The following CDH26 variants were observed in gnomAD, a reference collection of about 807,000 sequenced individuals.
CDH26 encodes the protein cadherin 26.
Under a neutral mutation model 90.3 loss-of-function variants are expected in CDH26, and 83 were observed. The ratio of observed to expected loss-of-function variants is 0.92; its 90% CI spans 0.77 to 1.10. The LOEUF (loss-of-function observed/expected upper bound fraction) is 1.10, where lower values mean the gene tolerates loss of function less well. Among genes scored for constraint, CDH26 ranks in the 50% least tolerant of loss-of-function variants. The probability of loss-of-function intolerance (pLI) is 0.00; values close to 1 mark genes in which losing one functional copy is unlikely to be tolerated. For synonymous variants in CDH26, 397 were observed against 396.3 expected (o/e 1.00, Z -0.02); for missense variants, 1,013 against 1,037.6 (o/e 0.98, Z 0.33).
At chr20:60,007,815 C>G (rs1569059083) in intron 17 of CDH26, among the ~76,000 whole-genome samples, 1 of 152,082 alleles carries the variant, frequency 6.6e-6, no homozygotes, top group Admixed American at 6.6e-5. Context: ...GACCTGCTGG[C>G]CTCCTACCTC....
intron 4 of CDH26, 127 bp from the exon 5 acceptor site, chr20:59,982,796 C>T: frequency 9.0e-7 from 1 of 1,107,438 alleles, no homozygotes; most frequent in Non-Finnish European, 1.3e-6. Context: ...AGTCTGATTC[C>T]TGCCCTCCGG....
rs368895623 is a variant in CDH26 at position 59,968,006 on chromosome 20, T to C, written c.70-961T>C. The stretch of plus-strand genomic sequence containing the variant: ...TTCTTTCTTTCTTTCTTTCTTTCTT[T>C]CTTTCTTCCTTTCTCTCTGTCTCTC... On this transcript the variant is annotated intron_variant, in intron 1 of 17. Coordinates refer to ENST00000348616, the MANE Select transcript of CDH26 (RefSeq NM_177980.4). Among the ~76,000 whole-genome samples the C allele has an allele frequency of 5.1e-4, 61 of 120,434 alleles. 3 individuals carry two copies. The highest frequency in any genetic ancestry group is 1.4e-3 in the African/African-American group (43 of 29,996). 79.0% of individuals were successfully genotyped at this position (120,434 alleles called of 152,430 possible).
At chr20:60,009,376 C>T (rs779938756) in intron 17 of CDH26, among the ~76,000 whole-genome samples, 4 of 152,210 alleles carry the variant, frequency 2.6e-5, no homozygotes, top group South Asian at 2.1e-4. Flanking sequence ...CTACAGAAAA[C>T]GTAGCATGTG....
Position 59,984,733 on chromosome 20 carries a change from A to C in CDH26, c.636A>C (p.Leu212Phe). ...ACTTCCTCATTTCTCAAACACCATTACTGAAAGAAAGTGGTTTCCGGGTTG... is the reference window on the plus strand; with the variant it reads ...ACTTCCTCATTTCTCAAACACCATTCCTGAAAGAAAGTGGTTTCCGGGTTG... ...VLYFLISQTP[L>F]LKESGFRVDR... The change falls in exon 6 of 18, where the codon TTA (leucine) becomes TTC (phenylalanine). Residue 212 changes from leucine to phenylalanine, a missense_variant. Physicochemically the swap from Leu to Phe is conservative, Grantham distance 22. Coordinates refer to ENST00000348616, the MANE Select transcript of CDH26 (RefSeq NM_177980.4). The C allele has an allele frequency of 1.2e-6, 2 of 1,613,988 alleles. No homozygotes were observed. Among genetic ancestry groups the C allele is most frequent in the Non-Finnish European group, 1.7e-6 (2 of 1,179,920 alleles).
chr20:59,971,527 G>A (rs1480379746), intron 3 of CDH26, among the ~76,000 whole-genome samples: 3 of 152,148 alleles, frequency 2.0e-5, no homozygotes, highest in African/African-American at 7.2e-5. Flanking sequence ...TGGTATGTGT[G>A]GTTCCAGATA....
At chr20:59,966,231 TAAAAAAAAAAAA>T (rs60088029) in intron 1 of CDH26, among the ~76,000 whole-genome samples, 1,257 of 76,274 alleles carry the variant, frequency 0.016, 19 homozygotes, top group Non-Finnish European at 0.025. Context: ...GGTGTTGCAT[TAAAAAAAAAAAA>T]AAAAAAAAAA....
chr20:60,010,062 G>T (rs1296728087), intron 17 of CDH26, among the ~76,000 whole-genome samples: 2 of 152,116 alleles, frequency 1.3e-5, no homozygotes, highest in African/African-American at 4.8e-5. Context: ...CTTCTCGTGG[G>T]CACCAAGCCT....
At position 59,984,713 on chromosome 20, in the gene CDH26, C is replaced by T; in HGVS notation, c.616C>T (p.Leu206Phe). The T allele has an allele frequency of 1.9e-6, 3 of 1,613,890 alleles. No homozygotes were observed. Among genetic ancestry groups the T allele is most frequent in the Non-Finnish European group, 2.5e-6 (3 of 1,179,866 alleles). The change falls in exon 6 of 18, where the codon CTC becomes TTC. Residue 206 changes from leucine (L) to phenylalanine (F), a missense_variant. By Grantham distance (22) the Leu-to-Phe change is conservative. Transcript: ENST00000348616. ...TCCAAATTCTCAAGTCCTTTACTTC[C>T]TCATTTCTCAAACACCATTACTGAA... ...NTPNSQVLYF[L>F]ISQTPLLKES...
At chr20:59,995,109 G>GTAGT (rs2061576730) in intron 11 of CDH26, among the ~76,000 whole-genome samples, 2 of 152,246 alleles carry the variant, frequency 1.3e-5, no homozygotes, top group East Asian at 3.8e-4. Context: ...GCTCAAGTTT[G>GTAGT]TAGTTCTCAG....
intron 4 of CDH26, among the ~76,000 whole-genome samples, chr20:59,975,039 T>G (rs1046399045): frequency 6.6e-6 from 1 of 151,984 alleles, no homozygotes; most frequent in African/African-American, 2.4e-5. Context: ...TTAATCATGT[T>G]AGATGAAGGA....
intron 16 of CDH26, among the ~76,000 whole-genome samples, chr20:60,006,451 G>A (rs533231785): frequency 3.9e-5 from 6 of 152,290 alleles, no homozygotes; most frequent in African/African-American, 1.2e-4. Context: ...CCTCCTGGCC[G>A]GGCTCACTTG....
intron 9 of CDH26, 48 bp downstream of exon 9, chr20:59,989,211 A>C: frequency 6.2e-7 from 1 of 1,605,216 alleles, no homozygotes; most frequent in Non-Finnish European, 8.5e-7. Flanking sequence ...GGAAATAGCC[A>C]CATAACCAAG....
At chr20:60,023,819 A>C (rs1442169338) in intron 7 of CDH26, among the ~76,000 whole-genome samples, 2 of 152,230 alleles carry the variant, frequency 1.3e-5, no homozygotes, top group African/African-American at 4.8e-5. Context: ...TCTGCAAAGC[A>C]GCCTGCTTAG....
chr20:60,032,194 A>C (rs195027), intron 8 of CDH26, among the ~76,000 whole-genome samples: 1 of 152,144 alleles, frequency 6.6e-6, no homozygotes, highest in Non-Finnish European at 1.5e-5. Flanking sequence ...AACAGGTAAA[A>C]CCACCAAGGC....
chr20:59,989,493 AGT>A, intron 9 of CDH26, among the ~76,000 whole-genome samples: 4 of 148,858 alleles, frequency 2.7e-5, no homozygotes, highest in Admixed American at 6.7e-5. Flanking sequence ...GCGCCACTGC[AGT>A]CCGCAGTCCG....
chr20:60,009,462 A>G (rs1212503721), intron 17 of CDH26, among the ~76,000 whole-genome samples: 3 of 152,220 alleles, frequency 2.0e-5, no homozygotes, highest in Non-Finnish European at 4.4e-5. Context: ...ACATGCACAC[A>G]TACCGCTCAT....
chr20:59,995,734 A>G, intron 11 of CDH26, 99 bp from the exon 12 acceptor site: 1 of 1,088,126 alleles, frequency 9.2e-7, no homozygotes, highest in South Asian at 1.4e-5. Flanking sequence ...GCTTACTTTC[A>G]TACAGAGCTT....
At chr20:59,995,117 C>T (rs2061576861) in intron 11 of CDH26, among the ~76,000 whole-genome samples, 1 of 152,224 alleles carries the variant, frequency 6.6e-6, no homozygotes, top group Admixed American at 6.5e-5. Context: ...TTGTAGTTCT[C>T]AGACCTGGAG....
intron 9 of CDH26, among the ~76,000 whole-genome samples, chr20:59,989,534 CA>C (rs924037162): frequency 0.15 from 11,237 of 74,862 alleles, 1,191 homozygotes; most frequent in African/African-American, 0.36. Context: ...GACTCCGTCT[CA>C]AAAAAAAAAA....
Sources: gnomAD v4.1 joint callset for allele counts (sites outside exome capture counted in the v4.1 genomes callset) on GRCh38, gnomAD v4.1.1 for gene constraint, MANE v1.5 for transcripts, NCBI Gene and HGNC (gene_info 2026-07-23, HGNC 2026-07-21) for gene names.